The following ERCC1 variants were observed in gnomAD, a reference collection of about 807,000 sequenced individuals.
ERCC1 encodes the protein ERCC excision repair 1, endonuclease non-catalytic subunit.
In ERCC1, 36 loss-of-function variants were observed where a neutral mutation model predicts 37.6. That is an observed-to-expected ratio of 0.96 (90% CI 0.73 to 1.26). ERCC1 has a LOEUF of 1.26. Ranked by LOEUF, ERCC1 falls within the 50% of genes most tolerant of loss-of-function variation. ERCC1 has a pLI of 0.00. For missense variants in ERCC1, 349 were observed against 376.5 expected, an observed-to-expected ratio of 0.93 and a Z score of 0.60; for synonymous variants, 156 against 162.1, an observed-to-expected ratio of 0.96 and a Z score of 0.28.
intron 1 of ERCC1, among the ~76,000 whole-genome samples, chr19:45,445,465 G>T (rs1181192582): frequency 6.6e-6 from 1 of 152,196 alleles, no homozygotes; most frequent in Non-Finnish European, 1.5e-5. Flanking sequence ...ATGAACAAAT[G>T]AGCAAATTAA....
Position 45,407,466 on chromosome 19 carries a change from A to T in ERCC1, c.*2209T>A, listed in dbSNP as rs1452432495. ...AGAAACTATAAGGAACTATAGTTAAACTTGGAGTGTGCAGATAAGCTCACT... is the reference window on the plus strand; with the variant it reads ...AGAAACTATAAGGAACTATAGTTAATCTTGGAGTGTGCAGATAAGCTCACT... On this transcript the variant is annotated 3_prime_UTR_variant, in exon 10 of 10. Transcript: ENST00000300853. The T allele has an allele frequency of 3.9e-6, 2 of 509,974 alleles. No individual in the cohort carries two copies. The highest frequency in any genetic ancestry group is 6.8e-6 in the Non-Finnish European group (2 of 294,020). 31.6% of individuals were successfully genotyped at this position (509,974 alleles called of 1,614,324 possible).
chr19:45,409,725 C>T lies in ERCC1; in HGVS notation c.844G>A (p.Ala282Thr), dbSNP rs754664927. Residue 282 changes from alanine (A) to threonine (T), a missense_variant and splice_region_variant, in exon 10 of 10, where the codon GCC becomes ACC. Coordinates refer to ENST00000300853, the MANE Select transcript of ERCC1 (RefSeq NM_001983.4). ...ALCPGLGPQK[A>T]RRLFDVLHEP... ...TGCAGGACATCAAACAGCCTCCGGG[C>T]CTGGATGGGAGGGAGAAAAAAATGA... The T allele has an allele frequency of 7.2e-6, 6 of 830,442 alleles. No individual in the cohort carries two copies. Among genetic ancestry groups the T allele is most frequent in the Non-Finnish European group, 1.3e-5 (6 of 465,378 alleles). The allele number at this position is 830,442 out of a possible 1,614,324, so 51.4% of individuals were successfully genotyped here. A position where few individuals can be genotyped will look rare whatever the true frequency, so the allele number is the denominator to read the frequency against.
chr19:45,414,238 G>T (rs768581816), intron 7 of ERCC1: 16 of 611,902 alleles, frequency 2.6e-5, no homozygotes, highest in Non-Finnish European at 3.6e-5. Context: ...GCACTTTCGA[G>T]GCCGAGGCGG....
At chr19:45,422,154 T>C (rs1485642884) in intron 2 of ERCC1, among the ~76,000 whole-genome samples, 1 of 152,100 alleles carries the variant, frequency 6.6e-6, no homozygotes, top group African/African-American at 2.4e-5. Context: ...TAAGTCCTCA[T>C]GTCCCTCCTC....
intron 1 of ERCC1, among the ~76,000 whole-genome samples, chr19:45,435,896 G>A (rs545848018): frequency 2.6e-5 from 4 of 152,184 alleles, no homozygotes; most frequent in South Asian, 2.1e-4. Context: ...CCAAGTAGCC[G>A]GGAGTACAGA....
At chr19:45,446,534 C>T (rs1412878285) in intron 1 of ERCC1, among the ~76,000 whole-genome samples, 1 of 152,120 alleles carries the variant, frequency 6.6e-6, no homozygotes, top group Non-Finnish European at 1.5e-5. Flanking sequence ...GGTCTCACGG[C>T]TCAGTCTAGC....
At chr19:45,434,328 C>CAAA (rs61587027) in intron 1 of ERCC1, among the ~76,000 whole-genome samples, 13 of 138,250 alleles carry the variant, frequency 9.4e-5, no homozygotes, top group South Asian at 2.3e-4. Flanking sequence ...CCAAAAAATA[C>CAAA]AAAAAAAAAA....
intron 6 of ERCC1, 111 bp downstream of exon 6, chr19:45,416,701 GGCAGTGCCT>G: frequency 2.7e-6 from 2 of 749,414 alleles, no homozygotes; most frequent in South Asian, 2.9e-5. Flanking sequence ...GCCAGAGAGA[GGCAGTGCCT>G]GCACCAGGCC....
chr19:45,420,197 C>A lies in ERCC1; in HGVS notation c.425+127G>T. The A allele has an allele frequency of 1.4e-6, 1 of 724,580 alleles. No homozygotes were observed. Among genetic ancestry groups the A allele is most frequent in the Admixed American group, 2.0e-5 (1 of 49,550 alleles). 44.9% of individuals were successfully genotyped at this position (724,580 alleles called of 1,614,324 possible). A position where few individuals can be genotyped will look rare whatever the true frequency, so the allele number is the denominator to read the frequency against. On this transcript the variant is annotated intron_variant, in intron 4 of 9. Transcript: ENST00000300853. The surrounding 1 kb of genome is among the most constrained non-coding windows in gnomAD (Gnocchi z 4.8). Reference sequence around the variant, plus strand: ...CCCTGCCTCCAACACAGGGTCCCACCAAGGCCCAGAACCTGCAGGACCATG... The same window carrying A: ...CCCTGCCTCCAACACAGGGTCCCACAAAGGCCCAGAACCTGCAGGACCATG...
chr19:45,423,329 G>A lies in ERCC1; in HGVS notation c.46C>T (p.Pro16Ser), dbSNP rs747532011. The part of the protein sequence containing the change: ...DKEGVPQPSG[P>S]PARKKFVIPL... ...ATCACAAATTTCTTCCTTGCTGGCG[G>A]CCCTGAGGGCTGGGGCACCCCCTCT... Residue 16 changes from proline to serine, a missense_variant, in exon 2 of 10, where the codon CCG becomes TCG. Transcript: ENST00000300853. 1.9e-6 allele frequency: 3 copies of A among 1,613,772 alleles called. No individual in the cohort carries two copies. In the East Asian group the frequency reaches 6.7e-5, roughly 36 times the overall value.
At chr19:45,444,477 G>C (rs778990054) in intron 1 of ERCC1, among the ~76,000 whole-genome samples, 2 of 152,264 alleles carry the variant, frequency 1.3e-5, no homozygotes, top group Middle Eastern at 3.4e-3. Flanking sequence ...GCCGCCAGAT[G>C]AGGCTGGGCG....
chr19:45,437,785 T>G (rs1258177402), intron 1 of ERCC1, among the ~76,000 whole-genome samples: 1 of 152,254 alleles, frequency 6.6e-6, no homozygotes, highest in Non-Finnish European at 1.5e-5. Context: ...AGTGATCTAT[T>G]GCACAGCATG....
rs1321305900 is a variant in ERCC1, at chr19:45,420,537, C to T, written c.322-110G>A. The T allele has an allele frequency of 4.1e-6, 3 of 726,322 alleles. No homozygotes were observed. The highest frequency in any genetic ancestry group is 3.5e-5 in the African/African-American group (2 of 57,470). 45.0% of individuals were successfully genotyped at this position (726,322 alleles called of 1,614,324 possible). A position where few individuals can be genotyped will look rare whatever the true frequency, so the allele number is the denominator to read the frequency against. ...CTCCCTCCTCCCACCTCTTCCCACACCTCCTGCCTCCTCGCACCTCTTCCC... is the reference window on the plus strand; with the variant it reads ...CTCCCTCCTCCCACCTCTTCCCACATCTCCTGCCTCCTCGCACCTCTTCCC... On this transcript the variant is annotated intron_variant, in intron 3 of 9. Coordinates refer to ENST00000300853, the MANE Select transcript of ERCC1 (RefSeq NM_001983.4). This position sits in a 1 kb window ranked among gnomAD's most constrained non-coding sequence, Gnocchi z 4.8.
chr19:45,427,153 C>A (rs560482181), upstream of ERCC1, among the ~76,000 whole-genome samples: 2 of 150,992 alleles, frequency 1.3e-5, no homozygotes, highest in East Asian at 2.0e-4. Flanking sequence ...AACAAACAAA[C>A]AAAAAAACGA....
chr19:45,423,960 A>G (rs1974601817), upstream of ERCC1: 1 of 1,077,004 alleles, frequency 9.3e-7, no homozygotes, highest in Non-Finnish European at 1.1e-6. Context: ...AGCATAGAGC[A>G]GGGCGATCTC....
At chr19:45,446,350 C>G (rs567476215) in intron 1 of ERCC1, among the ~76,000 whole-genome samples, 1 of 152,194 alleles carries the variant, frequency 6.6e-6, no homozygotes, top group East Asian at 1.9e-4. Context: ...ATTCTGGAGG[C>G]CTTTGAGTTA....
upstream of ERCC1, among the ~76,000 whole-genome samples, chr19:45,426,961 A>C (rs868465064): frequency 0.028 from 3,910 of 140,118 alleles, 284 homozygotes; most frequent in African/African-American, 0.1. Flanking sequence ...ACTCCATCTA[A>C]AAAAAAAAAA....
chr19:45,439,852 G>A (rs994859476), intron 1 of ERCC1, among the ~76,000 whole-genome samples: 2 of 151,920 alleles, frequency 1.3e-5, no homozygotes, highest in Non-Finnish European at 2.9e-5. Context: ...CCTCCCCGGG[G>A]CCCTCAGTGG....
At chr19:45,428,655 A>G (rs1974760344), upstream of ERCC1, among the ~76,000 whole-genome samples, 1 of 152,116 alleles carries the variant, frequency 6.6e-6, no homozygotes, top group South Asian at 2.1e-4. Flanking sequence ...GGGGACGGAG[A>G]CTGTAAGGAC....
Sources: allele counts gnomAD v4.1 joint callset (sites outside exome capture counted in the v4.1 genomes callset), GRCh38; gene constraint gnomAD v4.1.1; non-coding constraint Gnocchi (gnomAD v3.1); transcripts MANE v1.5; gene names NCBI Gene and HGNC (gene_info 2026-07-23, HGNC 2026-07-21).